The following NFIB variants were observed in gnomAD, a reference collection of about 807,000 sequenced individuals.
NFIB encodes the protein nuclear factor 1 B-type.
In NFIB, 11 loss-of-function variants were observed where a neutral mutation model predicts 61.5. That is an observed-to-expected ratio of 0.18 (90% CI 0.11 to 0.30). The LOEUF (loss-of-function observed/expected upper bound fraction) is 0.30. Among genes scored for constraint, NFIB ranks in the 10% least tolerant of loss-of-function variants. NFIB has a pLI of 1.00. For missense variants in NFIB, 471 were observed against 608.9 expected (o/e 0.77, Z 2.38); for synonymous variants, 260 against 216.5 (o/e 1.20, Z -1.76).
intron 2 of NFIB, among the ~76,000 whole-genome samples, chr9:14,276,375 A>T (rs2057999956): frequency 6.6e-6 from 1 of 152,210 alleles, no homozygotes; most frequent in Non-Finnish European, 1.5e-5. Flanking sequence ...TACAATTTAC[A>T]AGTATGAGGT....
In NFIB at chr9:14,085,351, C is replaced by G. The variant is rs371368717; in HGVS notation, c.*2958G>C. On this transcript the variant is annotated 3_prime_UTR_variant, in exon 11 of 11. Coordinates refer to ENST00000380953, the MANE Select transcript of NFIB (RefSeq NM_001190737.2). ...GTGTCACCAATTCTGAAAGATTTTC[C>G]TTCTAGTAATGAATACACTCAATGG... is the stretch of plus-strand genomic sequence containing the variant. The G allele has an allele frequency of 3.2e-4, 71 of 225,040 alleles. 1 individual carries two copies. The East Asian group carries it at 3.3e-3, about 10-fold the overall frequency. The allele number at this position is 225,040 out of a possible 1,614,324, so 13.9% of individuals were successfully genotyped here.
intron 1 of NFIB, among the ~76,000 whole-genome samples, chr9:14,340,414 G>A (rs1449535485): frequency 1.3e-5 from 2 of 152,186 alleles, no homozygotes; most frequent in Non-Finnish European, 2.9e-5. Context: ...GAATACCGAT[G>A]CCCACACCAC....
chr9:14,349,545 C>T (rs1428703459), intron 1 of NFIB, among the ~76,000 whole-genome samples: 1 of 152,086 alleles, frequency 6.6e-6, no homozygotes, highest in African/African-American at 2.4e-5. Context: ...AAGCAGGGCT[C>T]GTTTGGGGTC....
At chr9:14,143,991 A>AGAGTGTGTGTGTGTGTGTGTGT (rs1554647267) in intron 6 of NFIB, among the ~76,000 whole-genome samples, 1 of 134,150 alleles carries the variant, frequency 7.5e-6, no homozygotes, top group Non-Finnish European at 1.6e-5. Flanking sequence ...AAAGTGACAG[A>AGAGTGTGTGTGTGTGTGTGTGT]GTGTGTGTGT....
chr9:14,507,084 A>C, the NFIB span, among the ~76,000 whole-genome samples: 1 of 152,224 alleles, frequency 6.6e-6, no homozygotes, highest in Non-Finnish European at 1.5e-5. Flanking sequence ...AAAAGTTTTT[A>C]GAGCAATGCA....
chr9:14,441,694 A>G, the NFIB span, among the ~76,000 whole-genome samples: 1 of 151,916 alleles, frequency 6.6e-6, no homozygotes, highest in Non-Finnish European at 1.5e-5. Context: ...TGACCTCAGG[A>G]GAGGGCCTCC....
chr9:14,113,043 C>T lies in NFIB; in HGVS notation c.1423G>A (p.Val475Met), dbSNP rs1404794342. The change falls in exon 10 of 11, where the codon GTG (valine) becomes ATG (methionine). Residue 475 changes from valine to methionine, a missense_variant. By Grantham distance (21) the Val-to-Met change is conservative. This residue lies in a region of NFIB where 372 missense variants were observed against 395.6 expected (regional missense o/e 0.94). Transcript: ENST00000380953. The part of the protein sequence containing the change: ...ASGTSQANRY[V>M]GLSPRDPSFL... Reference sequence around the variant, plus strand: ...GATGGGTCTCTTGGGCTTAGTCCCACATATCGATTGGCTTGAGATGTGCCT... The same window carrying T: ...GATGGGTCTCTTGGGCTTAGTCCCATATATCGATTGGCTTGAGATGTGCCT... 1.3e-6 allele frequency: 2 copies of T among 1,550,210 alleles called. No individual in the cohort carries two copies. The highest frequency in any genetic ancestry group is 1.7e-6 in the Non-Finnish European group (2 of 1,146,872).
At chr9:14,180,146 A>G (rs970817519) in intron 2 of NFIB, among the ~76,000 whole-genome samples, 1 of 152,192 alleles carries the variant, frequency 6.6e-6, no homozygotes, top group African/African-American at 2.4e-5. Flanking sequence ...TAAAAATGCA[A>G]TCTAAGTGTA....
chr9:14,409,996 C>G, the NFIB span, among the ~76,000 whole-genome samples: 4 of 152,054 alleles, frequency 2.6e-5, no homozygotes, highest in Non-Finnish European at 4.4e-5. Flanking sequence ...GTACTACTAG[C>G]CTTTTCATAT....
At chr9:14,430,425 G>C in the NFIB span, among the ~76,000 whole-genome samples, 1 of 152,072 alleles carries the variant, frequency 6.6e-6, no homozygotes, top group East Asian at 1.9e-4. Flanking sequence ...TGAATAAACG[G>C]ATCCAGGGAA....
chr9:14,514,281 C>T, the NFIB span, among the ~76,000 whole-genome samples: 17 of 151,228 alleles, frequency 1.1e-4, no homozygotes, highest in African/African-American at 2.9e-4. Context: ...AATTTCCTAA[C>T]GCGTATTTTA....
chr9:14,500,332 AG>A, the NFIB span, among the ~76,000 whole-genome samples: 5 of 152,182 alleles, frequency 3.3e-5, no homozygotes, highest in Non-Finnish European at 7.3e-5. Flanking sequence ...TTCCAGAAAG[AG>A]GCAAGAACAC....
At chr9:14,185,092 G>GAATA (rs57241853) in intron 2 of NFIB, among the ~76,000 whole-genome samples, 140,503 of 151,986 alleles carry the variant, frequency 0.92, 65,893 homozygotes, top group Non-Finnish European at 1. Flanking sequence ...TTTAAAAAAA[G>GAATA]TATACTCTAT....
chr9:14,478,985 G>T, the NFIB span, among the ~76,000 whole-genome samples: 1 of 152,302 alleles, frequency 6.6e-6, no homozygotes, highest in Admixed American at 6.5e-5. Flanking sequence ...ACTTTAAACA[G>T]TTGCTGGCAT....
At chr9:14,162,447 C>A (rs548592443) in intron 3 of NFIB, among the ~76,000 whole-genome samples, 98 of 152,076 alleles carry the variant, frequency 6.4e-4, no homozygotes, top group Non-Finnish European at 8.5e-4. Context: ...CTTTGCTCAT[C>A]CATGGAAGAC....
At chr9:14,133,567 C>T (rs1432675320) in intron 6 of NFIB, among the ~76,000 whole-genome samples, 1 of 152,126 alleles carries the variant, frequency 6.6e-6, no homozygotes, top group Non-Finnish European at 1.5e-5. Flanking sequence ...GACAAGGAAA[C>T]AGTTTGGGCT....
intron 2 of NFIB, among the ~76,000 whole-genome samples, chr9:14,190,880 A>T (rs7862304): frequency 1 from 151,563 of 152,304 alleles, 75,417 homozygotes; most frequent in Middle Eastern, 1. Context: ...ACAGTCACTT[A>T]AAGAGAACAG....
chr9:14,150,273 A>G lies in NFIB; in HGVS notation c.686-8T>C, dbSNP rs750706110. On this transcript the variant is annotated splice_region_variant and splice_polypyrimidine_tract_variant and intron_variant, in intron 4 of 10. Transcript: ENST00000380953. Reference sequence around the variant, plus strand: ...TTCCCTGGGTTATGGGCGCTGAGGAATAAGACAAAGAAGCACTGGGAATGA... The same window carrying G: ...TTCCCTGGGTTATGGGCGCTGAGGAGTAAGACAAAGAAGCACTGGGAATGA... 20 of 1,613,052 alleles carry G rather than the reference A, an allele frequency of 1.2e-5. No individual in the cohort carries two copies. The highest frequency in any genetic ancestry group is 5.0e-5 in the Admixed American group (3 of 59,932).
intron 2 of NFIB, among the ~76,000 whole-genome samples, chr9:14,217,059 T>C (rs758621808): frequency 6.6e-6 from 1 of 152,252 alleles, no homozygotes; most frequent in Non-Finnish European, 1.5e-5. Context: ...GTGAAATGAC[T>C]AACATTTGAA....
Sources: allele counts gnomAD v4.1 joint callset (sites outside exome capture counted in the v4.1 genomes callset), GRCh38; gene constraint gnomAD v4.1.1; regional missense constraint gnomAD v4.1.1; transcripts MANE v1.5; gene names NCBI Gene and HGNC (gene_info 2026-07-23, HGNC 2026-07-21).